ADAMTSL1: variants seen among roughly 807,000 people sequenced by gnomAD.
ADAMTSL1 encodes ADAMTS like 1.
A neutral mutation model predicts 201.8 loss-of-function variants in ADAMTSL1; 126 were observed. The ratio of observed to expected loss-of-function variants is 0.62; its 90% CI spans 0.54 to 0.72. The LOEUF is 0.72. Ranked by LOEUF, ADAMTSL1 falls within the 30% of genes least tolerant of loss-of-function variation. ADAMTSL1 has a pLI of 0.00. For synonymous variants in ADAMTSL1, 1,121 were observed against 903.4 expected, an observed-to-expected ratio of 1.24 and a Z score of -4.32; for missense variants, 2,679 against 2,277.8, an observed-to-expected ratio of 1.18 and a Z score of -3.59.
At chr9:18,752,488 A>T (rs1819522326) in intron 15 of ADAMTSL1, among the ~76,000 whole-genome samples, 1 of 152,238 alleles carries the variant, frequency 6.6e-6, no homozygotes, top group Non-Finnish European at 1.5e-5. Context: ...CTTCTGACGT[A>T]CAGCCTGAGC....
chr9:18,265,852 A>G (rs1438513446), intron 2 of ADAMTSL1, among the ~76,000 whole-genome samples: 1 of 152,200 alleles, frequency 6.6e-6, no homozygotes, highest in Non-Finnish European at 1.5e-5. Flanking sequence ...AGTTTTCAGA[A>G]TGGCACAGGA....
chr9:18,271,510 A>C (rs948898019), intron 2 of ADAMTSL1, among the ~76,000 whole-genome samples: 74 of 152,140 alleles, frequency 4.9e-4, no homozygotes, highest in African/African-American at 1.5e-3. Flanking sequence ...TGAACTCATC[A>C]TTTTTTATGG....
intron 2 of ADAMTSL1, among the ~76,000 whole-genome samples, chr9:18,283,388 T>G (rs1007486562): frequency 2.0e-5 from 3 of 151,760 alleles, no homozygotes; most frequent in Non-Finnish European, 2.9e-5. Flanking sequence ...GAGGATCACT[T>G]AAGCCCAGAA....
chr9:18,710,831 C>A (rs1184317885), intron 14 of ADAMTSL1, among the ~76,000 whole-genome samples: 5 of 151,982 alleles, frequency 3.3e-5, no homozygotes, highest in African/African-American at 1.2e-4. Context: ...TTAATGCATA[C>A]AAAGCAACAT....
chr9:18,117,579 C>T (rs1183148411), intron 1 of ADAMTSL1, among the ~76,000 whole-genome samples: 8 of 152,178 alleles, frequency 5.3e-5, no homozygotes, highest in Non-Finnish European at 1.2e-4. Context: ...AGGACTCCCA[C>T]TACTCCCAAC....
intron 3 of ADAMTSL1, among the ~76,000 whole-genome samples, chr9:18,564,449 C>T (rs1455572343): frequency 6.6e-6 from 1 of 152,148 alleles, no homozygotes; most frequent in South Asian, 2.1e-4. Context: ...CAGAGCTGTT[C>T]CTATTCTGCC....
chr9:18,441,701 G>A (rs923446363), intron 2 of ADAMTSL1, among the ~76,000 whole-genome samples: 11 of 152,220 alleles, frequency 7.2e-5, no homozygotes, highest in African/African-American at 2.6e-4. Flanking sequence ...TCTATAATAG[G>A]AGATGCTAAG....
chr9:17,919,377 G>T (rs1202208318), intron 1 of ADAMTSL1, among the ~76,000 whole-genome samples: 1 of 151,868 alleles, frequency 6.6e-6, no homozygotes, highest in African/African-American at 2.4e-5. Flanking sequence ...TGGTTCATTG[G>T]TTTTTATTAT....
chr9:18,561,009 G>A (rs1471292988), intron 3 of ADAMTSL1, among the ~76,000 whole-genome samples: 1 of 149,790 alleles, frequency 6.7e-6, no homozygotes. Flanking sequence ...ATCTCCTTCA[G>A]CTCTGCCCTG....
chr9:18,652,207 A>T (rs545704765), intron 7 of ADAMTSL1, among the ~76,000 whole-genome samples: 2 of 152,150 alleles, frequency 1.3e-5, no homozygotes, highest in African/African-American at 4.8e-5. Context: ...CCCCATCTCT[A>T]CTAAAACTAC....
chr9:18,892,977 G>C (rs1040011878), intron 26 of ADAMTSL1, among the ~76,000 whole-genome samples: 1 of 151,262 alleles, frequency 6.6e-6, no homozygotes, highest in East Asian at 1.9e-4. Context: ...AAAATCAAAT[G>C]TTTTTGGCCA....
At chr9:18,056,364 G>A (rs77834429) in intron 1 of ADAMTSL1, among the ~76,000 whole-genome samples, 121 of 152,254 alleles carry the variant, frequency 7.9e-4, no homozygotes, top group African/African-American at 2.6e-3. Context: ...TAATGGCTTA[G>A]ACAAGAGCGT....
At chr9:18,258,369 G>A (rs575196420) in intron 2 of ADAMTSL1, among the ~76,000 whole-genome samples, 16 of 152,336 alleles carry the variant, frequency 1.1e-4, no homozygotes, top group South Asian at 8.3e-4. Context: ...AAGAGTTGGA[G>A]ATGACAGAAC....
chr9:18,705,725 C>A (rs1832191213), intron 13 of ADAMTSL1, among the ~76,000 whole-genome samples: 1 of 152,162 alleles, frequency 6.6e-6, no homozygotes, highest in African/African-American at 2.4e-5. Context: ...CACAAAAATA[C>A]CTCCTTATAC....
chr9:18,347,380 C>A (rs1835773649), intron 2 of ADAMTSL1, among the ~76,000 whole-genome samples: 1 of 151,944 alleles, frequency 6.6e-6, no homozygotes, highest in Admixed American at 6.5e-5. Flanking sequence ...ACTGGGACCA[C>A]CAAGATGATG....
intron 2 of ADAMTSL1, among the ~76,000 whole-genome samples, chr9:18,416,331 CT>C (rs1818675237): frequency 6.6e-6 from 1 of 151,614 alleles, no homozygotes; most frequent in Admixed American, 6.6e-5. Flanking sequence ...AACCACTAAA[CT>C]AACCCAAAAA....
At chr9:18,021,907 A>G (rs1176283781) in intron 1 of ADAMTSL1, among the ~76,000 whole-genome samples, 1 of 152,166 alleles carries the variant, frequency 6.6e-6, no homozygotes, top group Non-Finnish European at 1.5e-5. Flanking sequence ...GTTAATGAAC[A>G]GGTCAGAGGT....
chr9:17,922,668 G>A (rs558229551), intron 1 of ADAMTSL1, among the ~76,000 whole-genome samples: 2 of 152,096 alleles, frequency 1.3e-5, no homozygotes, highest in African/African-American at 4.8e-5. Context: ...GAGTTGACTT[G>A]TCCCAGTTTG....
intron 1 of ADAMTSL1, among the ~76,000 whole-genome samples, chr9:18,103,213 A>G (rs1358010951): frequency 6.6e-6 from 1 of 151,830 alleles, no homozygotes. Flanking sequence ...TTTTTTTTTC[A>G]TTGAAAATTA....
Sources: gnomAD v4.1 joint callset for allele counts (sites outside exome capture counted in the v4.1 genomes callset) on GRCh38, gnomAD v4.1.1 for gene constraint, MANE v1.5 for transcripts, NCBI Gene and HGNC (gene_info 2026-07-23, HGNC 2026-07-21) for gene names.